The following ZNF81 variants were observed in gnomAD, a reference collection of about 807,000 sequenced individuals.
ZNF81 encodes the protein zinc finger protein 81.
ZNF81 carries 5 observed loss-of-function variants against 32.3 expected under a neutral mutation model. The observed-to-expected ratio is 0.15, with a 90% CI of 0.08 to 0.33. The LOEUF (loss-of-function observed/expected upper bound fraction) is 0.33, where lower values mean the gene tolerates loss of function less well. ZNF81 is among the 10% of genes least tolerant of loss of function. ZNF81 has a pLI of 1.00. For missense variants in ZNF81, 379 were observed against 479.8 expected, an observed-to-expected ratio of 0.79 and a Z score of 1.96; for synonymous variants, 163 against 166.8, an observed-to-expected ratio of 0.98 and a Z score of 0.17.
chrX:47,839,899 G>A (rs2058439769), intron 1 of ZNF81, among the ~76,000 whole-genome samples: 1 of 103,201 alleles, frequency 9.7e-6, no homozygotes, highest in African/African-American at 3.6e-5. Flanking sequence ...ACACAAATTC[G>A]TAAACTTTCT....
intron 1 of ZNF81, among the ~76,000 whole-genome samples, chrX:47,842,090 ATTAT>A (rs2058451964): frequency 8.9e-6 from 1 of 111,955 alleles, no homozygotes; most frequent in South Asian, 3.7e-4. Flanking sequence ...ATAGAAATAT[ATTAT>A]TTAAAGTATC....
rs145662469 is a variant in ZNF81 at position 47,916,843 on chromosome X, G to A, written c.*211G>A. The A allele has an allele frequency of 4.5e-3, 1,609 of 359,118 alleles. 22 individuals are homozygous for A. Among genetic ancestry groups the A allele is most frequent in the African/African-American group, 0.039 (1,481 of 37,859 alleles). The allele number at this position is 359,118 out of a possible 1,213,427, so 29.6% of individuals were successfully genotyped here. On this transcript the variant is annotated 3_prime_UTR_variant, in exon 5 of 5. Coordinates refer to ENST00000338637, the MANE Select transcript of ZNF81 (RefSeq NM_007137.5). ...GGAGAGAGAATTTGCACAGCCTCATGAAATATAGTAAAAGTCATACTGGGA... is the reference window on the plus strand; with the variant it reads ...GGAGAGAGAATTTGCACAGCCTCATAAAATATAGTAAAAGTCATACTGGGA...
Position 47,923,636 on chromosome X carries a change from A to G in ZNF81, c.*7004A>G, listed in dbSNP as rs1186002151. Among the ~76,000 whole-genome samples, 2 of 112,267 alleles carry G rather than the reference A, an allele frequency of 1.8e-5. No homozygotes were observed. The highest frequency in any genetic ancestry group is 6.5e-5 in the African/African-American group (2 of 30,840). ...TTAAACAAAGCAATTGAGCAAACTC[A>G]GAGGAATTTCTGAATTCAGGTGGTG... On this transcript the variant is annotated 3_prime_UTR_variant, in exon 5 of 5. Transcript: ENST00000338637.
rs1478493350 is a variant in ZNF81 at position 47,846,469 on chromosome X, C to T, written c.54+148C>T. The stretch of plus-strand genomic sequence containing the variant: ...TCATTTTTATTGGTCATTTATTTCC[C>T]TTTTGTGAATTTCCTTCTCCTGTCC... On this transcript the variant is annotated intron_variant, in intron 2 of 4. Transcript: ENST00000338637. The T allele has an allele frequency of 4.7e-6, 3 of 637,871 alleles. No homozygotes were observed. In the African/African-American group the frequency reaches 6.6e-5, roughly 14 times the overall value. 52.6% of individuals were successfully genotyped at this position (637,871 alleles called of 1,213,427 possible). A position where few individuals can be genotyped will look rare whatever the true frequency, so the allele number is the denominator to read the frequency against.
At chrX:47,905,030 A>G (rs782143617) in intron 4 of ZNF81, among the ~76,000 whole-genome samples, 1 of 108,639 alleles carries the variant, frequency 9.2e-6, no homozygotes, top group Admixed American at 9.9e-5. Flanking sequence ...ACATGGACAC[A>G]GGAAGGGGAA....
rs1444044430 is a variant in ZNF81, at chrX:47,917,320, G to A, written c.*688G>A. On this transcript the variant is annotated 3_prime_UTR_variant, in exon 5 of 5. Coordinates refer to ENST00000338637, the MANE Select transcript of ZNF81 (RefSeq NM_007137.5). ...CAAATATAATCCTGTCATTCGTACT[G>A]GTTTCCATGACATAGTATCTTGTTT... 10 of 295,165 alleles carry A rather than the reference G, an allele frequency of 3.4e-5. No individual in the cohort carries two copies. The highest frequency in any genetic ancestry group is 5.3e-5 in the Non-Finnish European group (9 of 169,698). The allele number at this position is 295,165 out of a possible 1,213,427, so 24.3% of individuals were successfully genotyped here. A position where few individuals can be genotyped will look rare whatever the true frequency, so the allele number is the denominator to read the frequency against.
intron 2 of ZNF81, among the ~76,000 whole-genome samples, chrX:47,851,736 C>A (rs1313980659): frequency 8.9e-6 from 1 of 111,923 alleles, no homozygotes; most frequent in Non-Finnish European, 1.9e-5. Context: ...ACTAGAAAAG[C>A]CTTCCTCATT....
intron 2 of ZNF81, among the ~76,000 whole-genome samples, chrX:47,879,473 G>A (rs782503082): frequency 9.8e-5 from 11 of 111,899 alleles, no homozygotes; most frequent in South Asian, 7.5e-4. Flanking sequence ...TGTGGTAGCC[G>A]GAGTGTTAGC....
intron 4 of ZNF81, among the ~76,000 whole-genome samples, chrX:47,900,665 T>C (rs782167868): frequency 9.0e-6 from 1 of 111,596 alleles, no homozygotes; most frequent in East Asian, 2.8e-4. Context: ...TTCTGTTATA[T>C]TGTTCTGAAG....
Position 47,915,449 on chromosome X carries a change from C to T in ZNF81, c.803C>T (p.Pro268Leu). 1 of 1,211,061 alleles carries T rather than the reference C, an allele frequency of 8.3e-7. No individual in the cohort carries two copies. The highest frequency in any genetic ancestry group is 1.1e-6 in the Non-Finnish European group (1 of 895,339). Reference protein sequence around the residue: ...KHSLSQNVKFPIGEKANTCTE... With the variant: ...KHSLSQNVKFLIGEKANTCTE... ...TCACTCAGTCAAAATGTGAAATTTCCCATTGGAGAGAAAGCAAACACATGT... is the reference window on the plus strand; with the variant it reads ...TCACTCAGTCAAAATGTGAAATTTCTCATTGGAGAGAAAGCAAACACATGT... Residue 268 changes from proline to leucine, a missense_variant, in exon 5 of 5, where the codon CCC (proline) becomes CTC (leucine). By Grantham distance (98) the Pro-to-Leu change is moderately conservative. Coordinates refer to ENST00000338637, the MANE Select transcript of ZNF81 (RefSeq NM_007137.5).
At position 47,915,342 on chromosome X, in the gene ZNF81, T is replaced by C; in HGVS notation, c.696T>C (p.Ser232=). 8.3e-7 allele frequency: 1 copy of C among 1,211,811 alleles called. No homozygotes were observed. Among genetic ancestry groups the C allele is most frequent in the Non-Finnish European group, 1.1e-6 (1 of 895,504 alleles). Residue 232 remains serine (S), a synonymous_variant, in exon 5 of 5, where the codon TCT becomes TCC. Coordinates refer to ENST00000338637, the MANE Select transcript of ZNF81 (RefSeq NM_007137.5). The part of the protein sequence containing the change: ...GHGQVFTQNS[S]YSHHENTHTG... ...GTCAAGTTTTTACCCAGAACTCTTC[T>C]TATAGTCACCACGAAAATACACATA...
intron 4 of ZNF81, among the ~76,000 whole-genome samples, chrX:47,908,488 C>G (rs782553115): frequency 8.9e-6 from 1 of 111,950 alleles, no homozygotes; most frequent in Non-Finnish European, 1.9e-5. Flanking sequence ...TACCTACTAA[C>G]ACTAAATGTA....
intron 1 of ZNF81, among the ~76,000 whole-genome samples, chrX:47,837,664 T>C (rs1210163385): frequency 1.8e-5 from 2 of 112,582 alleles, no homozygotes; most frequent in Non-Finnish European, 3.8e-5. Context: ...CAAAAATAAG[T>C]TGGCCATACT....
At chrX:47,889,707 C>G (rs1480613191) in intron 3 of ZNF81, among the ~76,000 whole-genome samples, 1 of 112,178 alleles carries the variant, frequency 8.9e-6, no homozygotes, top group Non-Finnish European at 1.9e-5. Flanking sequence ...GTAAAGGAAG[C>G]ATAGTGGCTC....
chrX:47,902,661 ATGTT>A (rs1193765010), intron 4 of ZNF81, among the ~76,000 whole-genome samples: 1 of 112,636 alleles, frequency 8.9e-6, no homozygotes, highest in Non-Finnish European at 1.9e-5. Flanking sequence ...AAATATCTAA[ATGTT>A]TGAAAAGTAA....
intron 2 of ZNF81, among the ~76,000 whole-genome samples, chrX:47,878,743 A>G (rs898127428): frequency 6.8e-4 from 76 of 112,510 alleles, no homozygotes; most frequent in African/African-American, 2.4e-3. Context: ...TAATTGCCCC[A>G]TATATTAGTT....
chrX:47,862,839 A>G (rs1380895516), intron 2 of ZNF81, among the ~76,000 whole-genome samples: 1 of 111,613 alleles, frequency 9.0e-6, no homozygotes, highest in African/African-American at 3.3e-5. Flanking sequence ...GGAGAGTTCC[A>G]GTGTGGAGGT....
chrX:47,892,288 T>C (rs2058665390), intron 3 of ZNF81, among the ~76,000 whole-genome samples: 1 of 111,433 alleles, frequency 9.0e-6, no homozygotes, highest in African/African-American at 3.3e-5. Flanking sequence ...ACTACCCCCA[T>C]TGCACTTAGG....
chrX:47,885,803 T>G (rs989665283), intron 2 of ZNF81, among the ~76,000 whole-genome samples: 4 of 112,052 alleles, frequency 3.6e-5, no homozygotes, highest in African/African-American at 1.3e-4. Flanking sequence ...ACTGTTACAT[T>G]GGGATTAAAT....
Sources: allele counts gnomAD v4.1 joint callset (sites outside exome capture counted in the v4.1 genomes callset), GRCh38; gene constraint gnomAD v4.1.1; transcripts MANE v1.5; gene names NCBI Gene and HGNC (gene_info 2026-07-23, HGNC 2026-07-21).